Variants in MACROD2 observed in about 807,000 individuals in gnomAD.
The protein encoded by MACROD2 is ADP-ribose glycohydrolase MACROD2.
In MACROD2, 36 loss-of-function variants were observed where a neutral mutation model predicts 70.4. The observed-to-expected ratio is 0.51, with a 90% CI of 0.39 to 0.68. MACROD2 has a LOEUF of 0.68. Ranked by LOEUF, MACROD2 falls within the 30% of genes least tolerant of loss-of-function variation. The probability of loss-of-function intolerance (pLI) is 0.00; values close to 1 mark genes in which losing one functional copy is unlikely to be tolerated. For synonymous variants in MACROD2, 172 were observed against 178.8 expected (o/e 0.96, Z 0.30); for missense variants, 496 against 538.4 (o/e 0.92, Z 0.78).
At chr20:15,842,821 C>G (rs747883618) in intron 8 of MACROD2, among the ~76,000 whole-genome samples, 8 of 152,060 alleles carry the variant, frequency 5.3e-5, no homozygotes, top group Non-Finnish European at 1.2e-4. Context: ...GCACGTAACA[C>G]TTTACCTCCT....
intron 3 of MACROD2, among the ~76,000 whole-genome samples, chr20:14,339,520 T>C (rs2082991326): frequency 6.6e-6 from 1 of 152,226 alleles, no homozygotes; most frequent in Admixed American, 6.5e-5. Flanking sequence ...TGTGGGTTTA[T>C]AGCCATATTT....
intron 5 of MACROD2, among the ~76,000 whole-genome samples, chr20:14,947,061 G>C (rs1239070550): frequency 1.3e-5 from 2 of 152,108 alleles, no homozygotes; most frequent in African/African-American, 2.4e-5. Flanking sequence ...CGGATCCTTG[G>C]CTCAGCCCAT....
At chr20:15,829,546 G>C (rs1401244058) in intron 8 of MACROD2, among the ~76,000 whole-genome samples, 1 of 152,174 alleles carries the variant, frequency 6.6e-6, no homozygotes, top group Non-Finnish European at 1.5e-5. Context: ...GATGCTGTTT[G>C]AAGATTCTCA....
chr20:15,171,480 C>T (rs1454828253), intron 5 of MACROD2, among the ~76,000 whole-genome samples: 1 of 151,740 alleles, frequency 6.6e-6, no homozygotes, highest in Non-Finnish European at 1.5e-5. Context: ...CCCCCTGACC[C>T]CATAGTCACT....
intron 5 of MACROD2, among the ~76,000 whole-genome samples, chr20:14,694,393 T>G (rs1210475109): frequency 4.6e-5 from 7 of 152,164 alleles, no homozygotes; most frequent in Non-Finnish European, 8.8e-5. Context: ...TAAGAGACAG[T>G]GCTAAGACTA....
chr20:14,954,610 A>G (rs1374736844), intron 5 of MACROD2, among the ~76,000 whole-genome samples: 180 of 129,924 alleles, frequency 1.4e-3, no homozygotes, highest in Non-Finnish European at 2.2e-3. Context: ...TTATATAGTT[A>G]TTATATATAA....
At chr20:14,740,730 G>T (rs1309793451) in intron 5 of MACROD2, among the ~76,000 whole-genome samples, 2 of 152,008 alleles carry the variant, frequency 1.3e-5, no homozygotes, top group Non-Finnish European at 2.9e-5. Context: ...TTTTAAGGAG[G>T]TATTTGTGGC....
intron 6 of MACROD2, among the ~76,000 whole-genome samples, chr20:15,305,127 C>T (rs2077684807): frequency 6.6e-6 from 1 of 152,146 alleles, no homozygotes; most frequent in African/African-American, 2.4e-5. Context: ...GCACTAACTC[C>T]ATGTGTGACC....
chr20:14,437,420 C>T (rs1227919914), intron 3 of MACROD2, among the ~76,000 whole-genome samples: 4 of 151,966 alleles, frequency 2.6e-5, no homozygotes, highest in Admixed American at 6.6e-5. Flanking sequence ...TGGTGAAACC[C>T]CATCTCTACT....
At chr20:15,311,308 C>T (rs957250265) in intron 6 of MACROD2, among the ~76,000 whole-genome samples, 3 of 152,062 alleles carry the variant, frequency 2.0e-5, no homozygotes, top group Non-Finnish European at 4.4e-5. Context: ...ATAACAAAAA[C>T]CCCTTTGCAG....
At chr20:14,922,661 G>C (rs1370727658) in intron 5 of MACROD2, among the ~76,000 whole-genome samples, 5 of 152,228 alleles carry the variant, frequency 3.3e-5, no homozygotes, top group East Asian at 1.9e-4. Context: ...ACAAGGAAAG[G>C]CGAATGTTGA....
intron 3 of MACROD2, among the ~76,000 whole-genome samples, chr20:14,339,961 T>A (rs892318713): frequency 6.6e-6 from 1 of 152,198 alleles, no homozygotes; most frequent in Non-Finnish European, 1.5e-5. Context: ...CTACCTGAAA[T>A]GCTACTAGTT....
At chr20:15,248,670 G>A (rs1041301960) in intron 6 of MACROD2, among the ~76,000 whole-genome samples, 22 of 152,244 alleles carry the variant, frequency 1.4e-4, no homozygotes, top group African/African-American at 5.3e-4. Context: ...CTCAGTCTCA[G>A]TGTATCTCAG....
intron 8 of MACROD2, among the ~76,000 whole-genome samples, chr20:15,539,688 C>T (rs1568878196): frequency 6.6e-6 from 1 of 152,102 alleles, no homozygotes; most frequent in Admixed American, 6.5e-5. Context: ...CAGTAAATAA[C>T]TACTTAGAAG....
intron 5 of MACROD2, among the ~76,000 whole-genome samples, chr20:14,758,654 G>C (rs1454149206): frequency 2.0e-5 from 3 of 152,080 alleles, no homozygotes. Flanking sequence ...TTTTTATCCA[G>C]CTAGGCTTTA....
intron 3 of MACROD2, among the ~76,000 whole-genome samples, chr20:14,340,185 G>A (rs778399726): frequency 1.3e-5 from 2 of 152,162 alleles, no homozygotes; most frequent in Non-Finnish European, 2.9e-5. Flanking sequence ...AAGGGAGGAG[G>A]TGGATTCTCA....
chr20:15,629,348 G>A (rs910617670), intron 8 of MACROD2, among the ~76,000 whole-genome samples: 6 of 152,168 alleles, frequency 3.9e-5, no homozygotes, highest in East Asian at 1.9e-4. Flanking sequence ...GAGTGAGGGC[G>A]TCTCTCTCCC....
intron 3 of MACROD2, among the ~76,000 whole-genome samples, chr20:14,142,852 G>A (rs2054895287): frequency 6.6e-6 from 1 of 152,020 alleles, no homozygotes; most frequent in South Asian, 2.1e-4. Context: ...TGTTTATAAA[G>A]GATCACTTTC....
chr20:14,012,407 TAGTATGAGATTATC>T (rs1283417705), intron 2 of MACROD2, among the ~76,000 whole-genome samples: 1 of 152,190 alleles, frequency 6.6e-6, no homozygotes, highest in Non-Finnish European at 1.5e-5. Context: ...GCTGCATTTT[TAGTATGAGATTATC>T]AGTATGAGAT....
Sources: gnomAD v4.1 joint callset for allele counts (sites outside exome capture counted in the v4.1 genomes callset) on GRCh38, gnomAD v4.1.1 for gene constraint, MANE v1.5 for transcripts, NCBI Gene and HGNC (gene_info 2026-07-23, HGNC 2026-07-21) for gene names.